The following ZBTB37 variants were observed in gnomAD, a reference collection of about 807,000 sequenced individuals.
ZBTB37 encodes zinc finger and BTB domain containing 37.
ZBTB37 carries 15 observed loss-of-function variants against 37.7 expected under a neutral mutation model. That is an observed-to-expected ratio of 0.40 (90% CI 0.27 to 0.61). The LOEUF is 0.61. Among genes scored for constraint, ZBTB37 ranks in the 20% least tolerant of loss-of-function variants. ZBTB37 has a pLI of 0.44. For synonymous variants in ZBTB37, 231 were observed against 220.6 expected (o/e 1.05, Z -0.42); for missense variants, 514 against 641.9 (o/e 0.80, Z 2.15).
At chr1:173,890,108 C>G (rs1417183921), downstream of ZBTB37, 1 of 152,142 alleles carries the variant, frequency 6.6e-6, no homozygotes, top group Non-Finnish European at 1.5e-5. Flanking sequence ...AAGTGGTCCT[C>G]CTTCCTCAGC....
downstream of ZBTB37, chr1:173,889,270 G>A (rs947598625): frequency 9.9e-5 from 15 of 152,224 alleles, no homozygotes; most frequent in Admixed American, 9.8e-4. Flanking sequence ...AGTTACTGAT[G>A]TTCTATCTAC....
At chr1:173,894,852 T>G (rs1353507389) in exon 4 of ZBTB37, 2 of 152,208 alleles carry the variant, frequency 1.3e-5, no homozygotes, top group Non-Finnish European at 2.9e-5. Flanking sequence ...ATTCATCAGT[T>G]GTTTGTGCTG....
At chr1:173,881,732 T>A (rs1434879453) in intron 4 of ZBTB37, among the ~76,000 whole-genome samples, 1 of 152,176 alleles carries the variant, frequency 6.6e-6, no homozygotes, top group Non-Finnish European at 1.5e-5. Flanking sequence ...TTCATGTGTC[T>A]GTTGGCTTCA....
chr1:173,876,005 G>C (rs1655946158), intron 4 of ZBTB37, among the ~76,000 whole-genome samples: 1 of 152,050 alleles, frequency 6.6e-6, no homozygotes, highest in African/African-American at 2.4e-5. Flanking sequence ...ACTGTATCTT[G>C]TCATTTATTT....
At chr1:173,880,089 G>A (rs1283442835) in intron 4 of ZBTB37, among the ~76,000 whole-genome samples, 1 of 152,128 alleles carries the variant, frequency 6.6e-6, no homozygotes, top group Non-Finnish European at 1.5e-5. Context: ...GGGGAAACAG[G>A]AACACAGGAT....
chr1:173,877,373 C>CTTTT (rs58043559), intron 4 of ZBTB37, among the ~76,000 whole-genome samples: 51 of 87,764 alleles, frequency 5.8e-4, no homozygotes, highest in East Asian at 1.2e-3. Context: ...GATTTTCTTT[C>CTTTT]TTTTTTTTTT....
At chr1:173,878,494 A>G (rs1656106226) in intron 4 of ZBTB37, among the ~76,000 whole-genome samples, 1 of 152,236 alleles carries the variant, frequency 6.6e-6, no homozygotes, top group Non-Finnish European at 1.5e-5. Flanking sequence ...GGAAGTACCC[A>G]GTACAGCACA....
chr1:173,870,911 G>T lies in ZBTB37; in HGVS notation c.686G>T (p.Arg229Leu), dbSNP rs146730427. 56 of 1,614,122 alleles carry T rather than the reference G, an allele frequency of 3.5e-5. No homozygotes were observed. In the South Asian group the frequency reaches 5.9e-4, roughly 17 times the overall value. The change falls in exon 3 of 5, where the codon CGT (arginine) becomes CTT (leucine). Residue 229 changes from arginine (R) to leucine (L), a missense_variant. Arg to Leu is a moderately radical substitution (Grantham distance 102, BLOSUM62 -2). Transcript: ENST00000427304. Reference sequence around the variant, plus strand: ...TATGTGGAGACAGGAGTGGCGGACCGTGGGGGTCGGAGTGATGATGAAGTT... The same window carrying T: ...TATGTGGAGACAGGAGTGGCGGACCTTGGGGGTCGGAGTGATGATGAAGTT...
chr1:173,881,996 G>C (rs1217189099), intron 4 of ZBTB37, among the ~76,000 whole-genome samples: 1 of 151,530 alleles, frequency 6.6e-6, no homozygotes, highest in African/African-American at 2.4e-5. Context: ...AGAGCTTGCA[G>C]TGAGCTGACA....
chr1:173,898,119 G>GTT (rs1657121145), exon 4 of ZBTB37: 1 of 151,616 alleles, frequency 6.6e-6, no homozygotes. Flanking sequence ...TTTTTTGGGG[G>GTT]GCAGGGGTAG....
downstream of ZBTB37, chr1:173,887,980 C>T (rs1437887711): frequency 2.0e-5 from 3 of 152,200 alleles, no homozygotes; most frequent in Non-Finnish European, 4.4e-5. Context: ...GCTGCACCCT[C>T]TCACAAGAGA....
At chr1:173,886,864 G>C (rs965802307), downstream of ZBTB37, 3 of 152,264 alleles carry the variant, frequency 2.0e-5, no homozygotes, top group Non-Finnish European at 4.4e-5. Flanking sequence ...TGTTGAGGAA[G>C]AGGAGAGCAG....
chr1:173,871,578 C>G (rs193253686), intron 3 of ZBTB37, among the ~76,000 whole-genome samples: 5 of 152,180 alleles, frequency 3.3e-5, no homozygotes, highest in Non-Finnish European at 7.3e-5. Flanking sequence ...TTTTCTTTGC[C>G]CCCAACTACC....
chr1:173,869,908 G>A (rs1293481954), intron 2 of ZBTB37, among the ~76,000 whole-genome samples: 1 of 152,102 alleles, frequency 6.6e-6, no homozygotes, highest in African/African-American at 2.4e-5. Context: ...ACCTTCTGTT[G>A]AACTTCTGTT....
intron 2 of ZBTB37, among the ~76,000 whole-genome samples, chr1:173,869,747 G>T (rs1375850840): frequency 6.6e-6 from 1 of 151,716 alleles, no homozygotes; most frequent in Non-Finnish European, 1.5e-5. Flanking sequence ...CTTGCAGCAG[G>T]TAGTAAAATA....
chr1:173,890,610 C>T (rs1253024814), downstream of ZBTB37: 1 of 152,168 alleles, frequency 6.6e-6, no homozygotes, highest in African/African-American at 2.4e-5. Context: ...AGAAAAGCAA[C>T]AAGCAATTGT....
chr1:173,871,634 T>C (rs1417152373), intron 3 of ZBTB37, among the ~76,000 whole-genome samples: 3 of 152,246 alleles, frequency 2.0e-5, no homozygotes, highest in Non-Finnish European at 2.9e-5. Context: ...CTTTTCAAAT[T>C]AGTAAAATAG....
chr1:173,875,993 G>A (rs759845698), intron 4 of ZBTB37, among the ~76,000 whole-genome samples: 8 of 152,118 alleles, frequency 5.3e-5, no homozygotes, highest in Non-Finnish European at 1.0e-4. Flanking sequence ...GCTATTTCAT[G>A]TACTGTATCT....
chr1:173,900,776 A>G (rs536656142), exon 4 of ZBTB37: 1 of 152,258 alleles, frequency 6.6e-6, no homozygotes, highest in Non-Finnish European at 1.5e-5. Context: ...GCAGTGTCCA[A>G]GAAAATGCCT....
Sources: gnomAD v4.1 joint callset for allele counts (sites outside exome capture counted in the v4.1 genomes callset) on GRCh38, gnomAD v4.1.1 for gene constraint, MANE v1.5 for transcripts, NCBI Gene and HGNC (gene_info 2026-07-23, HGNC 2026-07-21) for gene names.